TMEM132D: variants seen among roughly 807,000 people sequenced by gnomAD.
The protein encoded by TMEM132D is transmembrane protein 132D.
In TMEM132D, 21 loss-of-function variants were observed where a neutral mutation model predicts 62.3. The ratio of observed to expected loss-of-function variants is 0.34; its 90% CI spans 0.24 to 0.49. The LOEUF is 0.49. Among genes scored for constraint, TMEM132D ranks in the 20% least tolerant of loss-of-function variants. TMEM132D has a pLI of 0.99. For missense variants in TMEM132D, 1,346 were observed against 1,402.8 expected (o/e 0.96, Z 0.65); for synonymous variants, 621 against 575.6 (o/e 1.08, Z -1.13).
chr12:129,276,599 T>A (rs1881013900), intron 4 of TMEM132D, among the ~76,000 whole-genome samples: 1 of 152,194 alleles, frequency 6.6e-6, no homozygotes, highest in African/African-American at 2.4e-5. Context: ...GTTCCAGGCA[T>A]GCAGCCACTT....
chr12:129,666,366 A>G lies in TMEM132D; in HGVS notation c.968+33444T>C, dbSNP rs185811390. On this transcript the variant is annotated intron_variant, in intron 2 of 8. Coordinates refer to ENST00000422113, the MANE Select transcript of TMEM132D (RefSeq NM_133448.3). The stretch of plus-strand genomic sequence containing the variant: ...AAAGAGCTCTGATTAATTGGCTTAG[A>G]AAAATAAGTGCTTAAATCAAGTATT... Among the ~76,000 whole-genome samples the G allele has an allele frequency of 2.4e-3, 363 of 151,836 alleles. 1 individual carries two copies. Among genetic ancestry groups the G allele is most frequent in the South Asian group, 5.6e-3 (27 of 4,780 alleles).
At chr12:129,229,152 TATA>T (rs1198992854) in intron 4 of TMEM132D, among the ~76,000 whole-genome samples, 2 of 152,148 alleles carry the variant, frequency 1.3e-5, no homozygotes, top group South Asian at 2.1e-4. Flanking sequence ...GGCTAAAACT[TATA>T]AGAAATGTGA....
intron 3 of TMEM132D, among the ~76,000 whole-genome samples, chr12:129,364,083 C>A (rs766296939): frequency 5.9e-5 from 9 of 152,170 alleles, no homozygotes; most frequent in Non-Finnish European, 1.3e-4. Flanking sequence ...TGTGGAAAGT[C>A]ATTTGTTCAT....
chr12:129,552,392 T>C (rs987212835), intron 2 of TMEM132D, among the ~76,000 whole-genome samples: 3 of 152,184 alleles, frequency 2.0e-5, no homozygotes, highest in African/African-American at 7.2e-5. Flanking sequence ...TTATCTATTA[T>C]CTACCTATAC....
chr12:129,550,467 C>T (rs1467217926), intron 2 of TMEM132D, among the ~76,000 whole-genome samples: 2 of 152,166 alleles, frequency 1.3e-5, no homozygotes, highest in African/African-American at 2.4e-5. Flanking sequence ...TGCTTGGCAG[C>T]CCACTCCTGG....
chr12:129,329,005 T>C (rs937784681), intron 4 of TMEM132D, among the ~76,000 whole-genome samples: 19 of 148,414 alleles, frequency 1.3e-4, no homozygotes, highest in African/African-American at 4.4e-4. Flanking sequence ...AGAACATATA[T>C]ATATAAACAA....
intron 4 of TMEM132D, among the ~76,000 whole-genome samples, chr12:129,322,542 G>A (rs549326545): frequency 3.3e-5 from 5 of 152,238 alleles, no homozygotes; most frequent in Admixed American, 2.6e-4. Context: ...TCGTTTCTCG[G>A]TGGTTGAATT....
chr12:129,401,574 A>C (rs1566057706), intron 3 of TMEM132D, among the ~76,000 whole-genome samples: 1 of 152,278 alleles, frequency 6.6e-6, no homozygotes, highest in East Asian at 1.9e-4. Context: ...GCCTTAAAAA[A>C]AAAGAAAAGA....
rs1171615079 is a variant in TMEM132D, at chr12:129,084,692, C to G, written c.1454G>C (p.Arg485Thr). Residue 485 changes from arginine (R) to threonine (T), a missense_variant, in exon 6 of 9, where the codon AGA (arginine) becomes ACA (threonine). Coordinates refer to ENST00000422113, the MANE Select transcript of TMEM132D (RefSeq NM_133448.3). The stretch of plus-strand genomic sequence containing the variant: ...CCCATTGACAAAGACGTAGTCACAT[C>G]TGTCAGAAACCTGTGAAGAGGTGAG... Reference protein sequence around the residue: ...SDEDVIKVSDRCDYVFVNGKE... With the variant: ...SDEDVIKVSDTCDYVFVNGKE... 6.2e-7 allele frequency: 1 copy of G among 1,614,022 alleles called. No individual in the cohort carries two copies. The highest frequency in any genetic ancestry group is 2.2e-5 in the East Asian group (1 of 44,852).
intron 3 of TMEM132D, among the ~76,000 whole-genome samples, chr12:129,499,023 C>T (rs574546134): frequency 5.3e-5 from 8 of 152,248 alleles, no homozygotes; most frequent in Non-Finnish European, 8.8e-5. Flanking sequence ...TGCCAGCCTG[C>T]CTTCATTCCT....
intron 3 of TMEM132D, among the ~76,000 whole-genome samples, chr12:129,466,243 C>A (rs1260142053): frequency 6.8e-6 from 1 of 147,442 alleles, no homozygotes; most frequent in African/African-American, 2.5e-5. Context: ...TGGTGTTACA[C>A]GGAGAACTGG....
chr12:129,677,116 C>T (rs1190115217), intron 2 of TMEM132D, among the ~76,000 whole-genome samples: 2 of 152,160 alleles, frequency 1.3e-5, no homozygotes, highest in East Asian at 1.9e-4. Flanking sequence ...ACAGTTAATA[C>T]GGTTGGGCTG....
At chr12:129,283,875 G>A (rs190970991) in intron 4 of TMEM132D, among the ~76,000 whole-genome samples, 19 of 152,342 alleles carry the variant, frequency 1.2e-4, no homozygotes, top group Non-Finnish European at 2.5e-4. Context: ...TGCACACTGT[G>A]GGGGAGGAGC....
At chr12:129,654,297 A>AGAGT (rs1555223866) in intron 2 of TMEM132D, among the ~76,000 whole-genome samples, 2 of 148,360 alleles carry the variant, frequency 1.3e-5, no homozygotes, top group African/African-American at 5.0e-5. Context: ...TGTGTGTGTG[A>AGAGT]GTGTGTGTGT....
chr12:129,479,629 A>G (rs1874375163), intron 3 of TMEM132D, among the ~76,000 whole-genome samples: 1 of 152,246 alleles, frequency 6.6e-6, no homozygotes, highest in Non-Finnish European at 1.5e-5. Flanking sequence ...TTAACCTTAC[A>G]GTATGTGAGA....
Position 129,118,034 on chromosome 12 carries a change from T to C in TMEM132D, c.1444-33332A>G, listed in dbSNP as rs111688107. On this transcript the variant is annotated intron_variant, in intron 5 of 8. Coordinates refer to ENST00000422113, the MANE Select transcript of TMEM132D (RefSeq NM_133448.3). ...ACTGTTGCTACTGGTATTTTGTGCA[T>C]CTGCCCAGAGAGAGTCTATGCATAT... Among the ~76,000 whole-genome samples, 152 of 152,330 alleles carry C rather than the reference T, an allele frequency of 1.0e-3. 1 individual carries two copies. Among genetic ancestry groups the C allele is most frequent in the African/African-American group, 3.5e-3 (144 of 41,578 alleles).
chr12:129,433,969 T>A (rs1212966852), intron 3 of TMEM132D, among the ~76,000 whole-genome samples: 1 of 152,206 alleles, frequency 6.6e-6, no homozygotes, highest in Non-Finnish European at 1.5e-5. Flanking sequence ...TCTCGCACTG[T>A]TAAATTTGTG....
chr12:129,608,950 T>C (rs1473690995), intron 2 of TMEM132D, among the ~76,000 whole-genome samples: 1 of 151,242 alleles, frequency 6.6e-6, no homozygotes, highest in African/African-American at 2.4e-5. Flanking sequence ...TGTTCTTTTT[T>C]TTTTTTTTGA....
intron 5 of TMEM132D, among the ~76,000 whole-genome samples, chr12:129,104,604 C>A (rs1302921157): frequency 1.3e-5 from 2 of 151,760 alleles, no homozygotes; most frequent in African/African-American, 4.9e-5. Context: ...AGTAAACAGG[C>A]AACCTACAAA....
Sources: gnomAD v4.1 joint callset for allele counts (sites outside exome capture counted in the v4.1 genomes callset) on GRCh38, gnomAD v4.1.1 for gene constraint, MANE v1.5 for transcripts, NCBI Gene and HGNC (gene_info 2026-07-23, HGNC 2026-07-21) for gene names.